Variants in ZNF431 observed in about 807,000 individuals in gnomAD.
The protein encoded by ZNF431 is zinc finger protein 431.
A neutral mutation model predicts 57.0 loss-of-function variants in ZNF431; 34 were observed. The observed-to-expected ratio is 0.60, with a 90% confidence interval of 0.45 to 0.79. The LOEUF is 0.79. ZNF431 is among the 30% of genes least tolerant of loss of function. The pLI, the probability that ZNF431 is intolerant of heterozygous loss-of-function variation, is 0.00. For synonymous variants in ZNF431, 207 were observed against 220.3 expected (o/e 0.94, Z 0.54); for missense variants, 607 against 667.1 (o/e 0.91, Z 0.99).
chr19:21,156,747 C>T (rs1222667779), intron 2 of ZNF431, among the ~76,000 whole-genome samples: 1 of 150,252 alleles, frequency 6.7e-6, no homozygotes, highest in African/African-American at 2.5e-5. Context: ...ATGTACCGTA[C>T]TTTGTTTTTT....
intron 2 of ZNF431, among the ~76,000 whole-genome samples, chr19:21,160,195 A>G (rs1970534591): frequency 6.6e-6 from 1 of 152,082 alleles, no homozygotes; most frequent in Non-Finnish European, 1.5e-5. Flanking sequence ...CAGAAAACCA[A>G]TAGGAGGCAT....
intron 2 of ZNF431, among the ~76,000 whole-genome samples, chr19:21,163,475 C>T (rs1425164999): frequency 6.6e-6 from 1 of 152,196 alleles, no homozygotes; most frequent in Non-Finnish European, 1.5e-5. Flanking sequence ...TGGACTTTTT[C>T]CAAACCTGCA....
At chr19:21,174,797 CATCT>C (rs1971003259) in intron 4 of ZNF431, among the ~76,000 whole-genome samples, 1 of 151,878 alleles carries the variant, frequency 6.6e-6, no homozygotes, top group African/African-American at 2.4e-5. Flanking sequence ...TTTGAGATGG[CATCT>C]CGCTCTGTCA....
chr19:21,158,918 A>G (rs1434109018), intron 2 of ZNF431, among the ~76,000 whole-genome samples: 1 of 149,434 alleles, frequency 6.7e-6, no homozygotes, highest in African/African-American at 2.5e-5. Flanking sequence ...GGAGGAATGC[A>G]TCCAGCTTGT....
At chr19:21,179,360 G>A (rs886423612) in intron 4 of ZNF431, among the ~76,000 whole-genome samples, 10 of 151,940 alleles carry the variant, frequency 6.6e-5, no homozygotes, top group East Asian at 1.9e-4. Context: ...TCTTTATGTC[G>A]TTCACTTCCA....
At chr19:21,144,575 C>A (rs779564998) in intron 2 of ZNF431, among the ~76,000 whole-genome samples, 1 of 152,076 alleles carries the variant, frequency 6.6e-6, no homozygotes, top group African/African-American at 2.4e-5. Flanking sequence ...AATTATGTAT[C>A]CCATTTGTTA....
At chr19:21,143,759 T>G in intron 2 of ZNF431, 116 bp downstream of exon 2, 2 of 693,370 alleles carry the variant, frequency 2.9e-6, no homozygotes, top group Non-Finnish European at 5.0e-6. Context: ...AGAAATAATG[T>G]ATGCCCCCTG....
intron 4 of ZNF431, among the ~76,000 whole-genome samples, chr19:21,180,691 A>G (rs1049524339): frequency 1.3e-5 from 2 of 150,680 alleles, no homozygotes; most frequent in Non-Finnish European, 3.0e-5. Context: ...GCTCACACCT[A>G]TATTCCCAGC....
intron 2 of ZNF431, among the ~76,000 whole-genome samples, chr19:21,153,104 C>G (rs112424722): frequency 6.6e-6 from 1 of 152,174 alleles, no homozygotes; most frequent in African/African-American, 2.4e-5. Context: ...AAGATAACTT[C>G]CAGACATTGC....
In ZNF431 at chr19:21,189,149, G is replaced by A. The variant is rs1320614591; in HGVS notation, c.*5115G>A. On this transcript the variant is annotated 3_prime_UTR_variant, in exon 5 of 5. Coordinates refer to ENST00000311048, the MANE Select transcript of ZNF431 (RefSeq NM_133473.4). ...TTTCTGTAGAACGTAATATTTTGAA[G>A]TATATATATAGTTAAATTATTATTT... is the stretch of plus-strand genomic sequence containing the variant. 1 of 152,056 alleles carries A rather than the reference G, an allele frequency of 6.6e-6. No homozygotes were observed. The highest frequency in any genetic ancestry group is 1.5e-5 in the Non-Finnish European group (1 of 68,026). The allele number at this position is 152,056 out of a possible 1,614,324, so 9.4% of individuals were successfully genotyped here. A position where few individuals can be genotyped will look rare whatever the true frequency, so the allele number is the denominator to read the frequency against.
intron 2 of ZNF431, among the ~76,000 whole-genome samples, chr19:21,155,656 A>G (rs1455754988): frequency 1.3e-5 from 2 of 152,094 alleles, no homozygotes; most frequent in East Asian, 3.9e-4. Context: ...AGATGAGCCT[A>G]TGGGGTTTGT....
At chr19:21,177,796 A>G (rs554145507) in intron 4 of ZNF431, among the ~76,000 whole-genome samples, 1 of 152,082 alleles carries the variant, frequency 6.6e-6, no homozygotes, top group African/African-American at 2.4e-5. Flanking sequence ...TCAAAAAACA[A>G]AAAGAATTAT....
rs1568320779 is a variant in ZNF431, at chr19:21,189,135, CGTA to C, written c.*5102_*5104del. ...TAGAATCTGTACTTTTTCTGTAGAACGTAATATTTTGAAGTATATATATAGTTA... is the reference window on the plus strand; with the variant it reads ...TAGAATCTGTACTTTTTCTGTAGAACATATTTTGAAGTATATATATAGTTA... On this transcript the variant is annotated 3_prime_UTR_variant, in exon 5 of 5. Coordinates refer to ENST00000311048, the MANE Select transcript of ZNF431 (RefSeq NM_133473.4). 1 of 151,870 alleles carries C rather than the reference CGTA, an allele frequency of 6.6e-6. No homozygotes were observed. The highest frequency in any genetic ancestry group is 2.4e-5 in the African/African-American group (1 of 41,344). The allele number at this position is 151,870 out of a possible 1,614,324, so 9.4% of individuals were successfully genotyped here.
intron 2 of ZNF431, chr19:21,162,863 C>T (rs1047651182): frequency 1.8e-6 from 1 of 553,492 alleles, no homozygotes; most frequent in Non-Finnish European, 2.3e-6. Context: ...TCTATTCCTG[C>T]AGATCCAGTA....
intron 4 of ZNF431, among the ~76,000 whole-genome samples, chr19:21,172,533 G>A (rs1329321309): frequency 2.6e-5 from 4 of 152,044 alleles, no homozygotes; most frequent in Non-Finnish European, 5.9e-5. Context: ...CATGGTGGTG[G>A]CTCACGTTTG....
intron 2 of ZNF431, among the ~76,000 whole-genome samples, chr19:21,152,437 G>T (rs769201931): frequency 1.3e-5 from 2 of 152,022 alleles, no homozygotes; most frequent in Admixed American, 1.3e-4. Flanking sequence ...CATGTCCCAT[G>T]GTCCTGTAGA....
At position 21,183,234 on chromosome 19, in the gene ZNF431, A is replaced by G. The variant is rs141573654; in HGVS notation, c.931A>G (p.Thr311Ala). ...SHLTTHKIIH[T>A]GEKPYKCEEC... The stretch of plus-strand genomic sequence containing the variant: ...CCTTACTACACATAAGATAATTCAT[A>G]CTGGAGAGAAGCCCTACAAATGTGA... The change falls in exon 5 of 5, where the codon ACT (threonine) becomes GCT (alanine). Residue 311 changes from threonine (T) to alanine (A), a missense_variant. Transcript: ENST00000311048. 4 of 1,613,964 alleles carry G rather than the reference A, an allele frequency of 2.5e-6. No individual in the cohort carries two copies. The highest frequency in any genetic ancestry group is 2.7e-5 in the African/African-American group (2 of 74,948).
At chr19:21,161,934 G>A (rs904003126) in intron 2 of ZNF431, among the ~76,000 whole-genome samples, 1 of 151,902 alleles carries the variant, frequency 6.6e-6, no homozygotes, top group Non-Finnish European at 1.5e-5. Context: ...GATTACAGGC[G>A]TGAGCCACCG....
rs1293590313 is a variant in ZNF431, at chr19:21,194,502, T to C, written c.*10468T>C. 1.3e-5 allele frequency: 2 copies of C among 151,408 alleles called. No homozygotes were observed. Among genetic ancestry groups the C allele is most frequent in the Non-Finnish European group, 1.5e-5 (1 of 67,908 alleles). 9.4% of individuals were successfully genotyped at this position (151,408 alleles called of 1,614,324 possible). ...TTTTTTTTTTTTGAGACAGTGTTGC[T>C]CTGTGGCCTAGGCTGGAGTGCAGTG... On this transcript the variant is annotated 3_prime_UTR_variant, in exon 5 of 5. Coordinates refer to ENST00000311048, the MANE Select transcript of ZNF431 (RefSeq NM_133473.4).
Sources: gnomAD v4.1 joint callset for allele counts (sites outside exome capture counted in the v4.1 genomes callset) on GRCh38, gnomAD v4.1.1 for gene constraint, MANE v1.5 for transcripts, NCBI Gene and HGNC (gene_info 2026-07-23, HGNC 2026-07-21) for gene names.